CCDC85A: variants seen among roughly 807,000 people sequenced by gnomAD.
CCDC85A encodes the protein coiled-coil domain-containing protein 85A.
CCDC85A carries 38 observed loss-of-function variants against 50.2 expected under a neutral mutation model. The observed-to-expected ratio is 0.76, with a 90% CI of 0.58 to 0.99. CCDC85A has a LOEUF of 0.99. Among genes scored for constraint, CCDC85A ranks in the 50% least tolerant of loss-of-function variants. The pLI, the probability that CCDC85A is intolerant of heterozygous loss-of-function variation, is 0.00. For synonymous variants in CCDC85A, 366 were observed against 301.4 expected (o/e 1.21, Z -2.22); for missense variants, 820 against 742.0 (o/e 1.11, Z -1.22).
chr2:56,276,268 T>TGCTTTTTATTTTGCTTACTG (rs145334536), intron 2 of CCDC85A, among the ~76,000 whole-genome samples: 23,686 of 150,406 alleles, frequency 0.16, 2,116 homozygotes, highest in African/African-American at 0.18. Flanking sequence ...TATTTTTGAG[T>TGCTTTTTATTTTGCTTACTG]GCTTTTTATT....
rs1479017307 is a variant in CCDC85A at position 56,192,788 on chromosome 2, C to A, written c.588C>A (p.Leu196=). 1.9e-6 allele frequency: 3 copies of A among 1,613,040 alleles called. No individual in the cohort carries two copies. The highest frequency in any genetic ancestry group is 1.3e-5 in the African/African-American group (1 of 74,898). The change falls in exon 2 of 6, where the codon CTC becomes CTA. Residue 196 remains leucine, a synonymous_variant. Coordinates refer to ENST00000407595, the MANE Select transcript of CCDC85A (RefSeq NM_001080433.2). This position sits in a 1 kb window ranked among gnomAD's most constrained non-coding sequence, Gnocchi z 4.7. ...SIDSQASLCQ[L]TASTAPYVRD... is the part of the protein sequence containing the mutation. ...ACAGCCAGGCCAGCCTGTGCCAACT[C>A]ACAGCCTCCACCGCACCCTACGTGC...
chr2:56,300,675 C>T (rs1024459435), intron 2 of CCDC85A, among the ~76,000 whole-genome samples: 4 of 152,324 alleles, frequency 2.6e-5, no homozygotes, highest in Non-Finnish European at 5.9e-5. Context: ...TTATACCCTT[C>T]CTTTATTTTT....
chr2:56,199,209 C>T (rs1186853200), intron 2 of CCDC85A, among the ~76,000 whole-genome samples: 1 of 152,118 alleles, frequency 6.6e-6, no homozygotes, highest in Non-Finnish European at 1.5e-5. Context: ...TCAAATGAAT[C>T]AGACACGTGA....
chr2:56,367,569 T>C (rs987186665), intron 3 of CCDC85A, among the ~76,000 whole-genome samples: 2 of 152,126 alleles, frequency 1.3e-5, no homozygotes, highest in African/African-American at 4.8e-5. Flanking sequence ...GAGGGGTCTG[T>C]CCAGTGCATT....
intron 2 of CCDC85A, among the ~76,000 whole-genome samples, chr2:56,252,934 A>T (rs12620171): frequency 0.23 from 34,291 of 151,916 alleles, 4,380 homozygotes; most frequent in Admixed American, 0.31. Context: ...CAGGAGAATC[A>T]CTTGAACTGG....
intron 2 of CCDC85A, among the ~76,000 whole-genome samples, chr2:56,213,159 G>T (rs539102556): frequency 6.6e-6 from 1 of 151,960 alleles, no homozygotes; most frequent in African/African-American, 2.4e-5. Flanking sequence ...ACTGACTCTA[G>T]TCTTGGTTAG....
intron 2 of CCDC85A, among the ~76,000 whole-genome samples, chr2:56,294,711 A>C (rs566236173): frequency 7.2e-5 from 11 of 152,302 alleles, no homozygotes; most frequent in Non-Finnish European, 1.3e-4. Flanking sequence ...CAGAACTTAG[A>C]GATTTATGTA....
chr2:56,275,024 C>G (rs115151186), intron 2 of CCDC85A, among the ~76,000 whole-genome samples: 4 of 152,272 alleles, frequency 2.6e-5, no homozygotes, highest in Non-Finnish European at 2.9e-5. Context: ...ATCATCCTCA[C>G]GACCTCATCC....
chr2:56,309,419 G>T (rs771660071), intron 2 of CCDC85A, among the ~76,000 whole-genome samples: 11 of 152,126 alleles, frequency 7.2e-5, no homozygotes, highest in Non-Finnish European at 1.5e-4. Context: ...TGGCATTACA[G>T]ACTAGGTTTC....
chr2:56,323,445 G>C (rs373251353), intron 2 of CCDC85A, among the ~76,000 whole-genome samples: 1 of 151,950 alleles, frequency 6.6e-6, no homozygotes, highest in Admixed American at 6.6e-5. Context: ...TAACTTTGGT[G>C]CTACTCTATC....
chr2:56,343,962 G>A (rs1370702698), intron 3 of CCDC85A, among the ~76,000 whole-genome samples: 1 of 152,130 alleles, frequency 6.6e-6, no homozygotes, highest in African/African-American at 2.4e-5. Context: ...TTGCTCATTA[G>A]TGATGATTTG....
At chr2:56,336,144 C>G (rs1216730445) in intron 2 of CCDC85A, among the ~76,000 whole-genome samples, 1 of 151,948 alleles carries the variant, frequency 6.6e-6, no homozygotes, top group Non-Finnish European at 1.5e-5. Flanking sequence ...CATATACACT[C>G]TTTATTTATT....
chr2:56,229,847 C>G, intron 2 of CCDC85A, among the ~76,000 whole-genome samples: 1 of 152,082 alleles, frequency 6.6e-6, no homozygotes, highest in Non-Finnish European at 1.5e-5. Context: ...TGAATCAGCT[C>G]CAACAAATCG....
intron 2 of CCDC85A, among the ~76,000 whole-genome samples, chr2:56,262,788 G>C (rs923560180): frequency 6.6e-6 from 1 of 152,206 alleles, no homozygotes; most frequent in African/African-American, 2.4e-5. Flanking sequence ...TTGGAATAGA[G>C]AATGTTCATA....
In CCDC85A at chr2:56,225,425, C is replaced by CA. The variant is rs567295711; in HGVS notation, c.1240+31995dup. Among the ~76,000 whole-genome samples the CA allele has an allele frequency of 1.2e-4, 18 of 149,146 alleles. No individual in the cohort carries two copies. The South Asian group carries it at 1.9e-3, about 16-fold the overall frequency. ...TGTGCAATAGAAGGAGAGTGCGTCT[C>CA]AAAAAAAAAATTATTAACCATAAAT... is the stretch of plus-strand genomic sequence containing the variant. On this transcript the variant is annotated intron_variant, in intron 2 of 5. Transcript: ENST00000407595.
rs530227504 is a variant in CCDC85A at position 56,236,770 on chromosome 2, T to A, written c.1240+43330T>A. Among the ~76,000 whole-genome samples, 6 of 152,294 alleles carry A rather than the reference T, an allele frequency of 3.9e-5. No homozygotes were observed. In the East Asian group the frequency reaches 5.8e-4, roughly 15 times the overall value. ...TGGTCCTTTTTTCTTTGTGAATGGC[T>A]TCTTCATCATTTTGGCCTCACATTT... On this transcript the variant is annotated intron_variant, in intron 2 of 5. Transcript: ENST00000407595.
chr2:56,213,955 TGAC>T (rs1677288826), intron 2 of CCDC85A, among the ~76,000 whole-genome samples: 2 of 151,916 alleles, frequency 1.3e-5, no homozygotes, highest in African/African-American at 4.8e-5. Context: ...CAGCACGATA[TGAC>T]AGGTGAGTAG....
intron 2 of CCDC85A, among the ~76,000 whole-genome samples, chr2:56,328,141 C>T (rs1465192558): frequency 6.6e-6 from 1 of 152,050 alleles, no homozygotes; most frequent in African/African-American, 2.4e-5. Flanking sequence ...TCCAAAATCT[C>T]CCTTGAAGAG....
intron 2 of CCDC85A, among the ~76,000 whole-genome samples, chr2:56,213,676 C>G (rs890105662): frequency 4.0e-5 from 6 of 151,824 alleles, no homozygotes; most frequent in Admixed American, 6.6e-5. Context: ...ATTATGCACT[C>G]TAGGAACCCC....
Sources: allele counts gnomAD v4.1 joint callset (sites outside exome capture counted in the v4.1 genomes callset), GRCh38; gene constraint gnomAD v4.1.1; non-coding constraint Gnocchi (gnomAD v3.1); transcripts MANE v1.5; gene names NCBI Gene and HGNC (gene_info 2026-07-23, HGNC 2026-07-21).